The following CSMD3 variants were observed in gnomAD, a reference collection of about 807,000 sequenced individuals.
CSMD3 encodes the protein CUB and sushi domain-containing protein 3.
A neutral mutation model predicts 435.2 loss-of-function variants in CSMD3; 177 were observed. The observed-to-expected ratio is 0.41, with a 90% CI of 0.36 to 0.46. CSMD3 has a LOEUF of 0.46. CSMD3 is among the 20% of genes least tolerant of loss of function. The pLI is 0.34. For synonymous variants in CSMD3, 1,656 were observed against 1,520.5 expected (o/e 1.09, Z -2.07); for missense variants, 4,265 against 4,504.6 (o/e 0.95, Z 1.52).
At chr8:112,805,359 G>T (rs1476485496) in intron 12 of CSMD3, among the ~76,000 whole-genome samples, 1 of 152,074 alleles carries the variant, frequency 6.6e-6, no homozygotes, top group East Asian at 1.9e-4. Flanking sequence ...CTAGCAAGTG[G>T]TTTAGTTTGA....
At chr8:113,039,163 T>C (rs1564241616) in intron 5 of CSMD3, among the ~76,000 whole-genome samples, 1 of 152,152 alleles carries the variant, frequency 6.6e-6, no homozygotes, top group Non-Finnish European at 1.5e-5. Flanking sequence ...ATGAGTAATG[T>C]TCACTGAACA....
intron 1 of CSMD3, among the ~76,000 whole-genome samples, chr8:113,425,249 T>G (rs79675324): frequency 0.018 from 2,746 of 151,482 alleles, 95 homozygotes; most frequent in African/African-American, 0.061. Flanking sequence ...TTCTAATACA[T>G]AAAGCATAAT....
At chr8:112,974,405 T>C (rs1010867438) in intron 7 of CSMD3, among the ~76,000 whole-genome samples, 2 of 152,034 alleles carry the variant, frequency 1.3e-5, no homozygotes, top group South Asian at 4.1e-4. Flanking sequence ...TTCTATATGA[T>C]GGGTAATAAA....
intron 32 of CSMD3, among the ~76,000 whole-genome samples, chr8:112,457,082 T>C (rs1351292732): frequency 6.6e-6 from 1 of 152,128 alleles, no homozygotes; most frequent in Non-Finnish European, 1.5e-5. Flanking sequence ...CCACAGAACC[T>C]TGGACTTTGC....
At chr8:112,398,654 C>T (rs1399771413) in intron 35 of CSMD3, among the ~76,000 whole-genome samples, 1 of 152,196 alleles carries the variant, frequency 6.6e-6, no homozygotes, top group African/African-American at 2.4e-5. Flanking sequence ...GTGTGACAGA[C>T]TGCATGAATC....
intron 31 of CSMD3, among the ~76,000 whole-genome samples, chr8:112,473,300 C>T (rs969085650): frequency 3.3e-5 from 5 of 151,980 alleles, no homozygotes; most frequent in Non-Finnish European, 5.9e-5. Flanking sequence ...AACAATGTTT[C>T]TGATAAACTG....
intron 52 of CSMD3, among the ~76,000 whole-genome samples, chr8:112,303,568 A>G (rs12335058): frequency 0.034 from 5,101 of 152,186 alleles, 105 homozygotes; most frequent in Non-Finnish European, 0.043. Context: ...AAACAAACAA[A>G]CAAACAAACA....
chr8:113,348,776 A>G (rs981551812), intron 1 of CSMD3, among the ~76,000 whole-genome samples: 4 of 152,040 alleles, frequency 2.6e-5, no homozygotes, highest in Admixed American at 2.6e-4. Context: ...GCTTAGATTT[A>G]CTAAAATTTG....
intron 68 of CSMD3, among the ~76,000 whole-genome samples, chr8:112,231,938 A>T (rs1184017711): frequency 6.6e-6 from 1 of 152,244 alleles, no homozygotes; most frequent in Admixed American, 6.5e-5. Context: ...TAAAAATTAA[A>T]ACATAAAAAT....
intron 4 of CSMD3, among the ~76,000 whole-genome samples, chr8:113,123,569 C>T (rs922145592): frequency 6.6e-6 from 1 of 151,964 alleles, no homozygotes; most frequent in Non-Finnish European, 1.5e-5. Context: ...TAATAAATTT[C>T]CTCAGTTTTA....
At position 113,042,436 on chromosome 8, in the gene CSMD3, T is replaced by C. The variant is rs73351657; in HGVS notation, c.918-23257A>G. ...GTTAAATAGTTTTCTTTACAGTACC[T>C]GCACATTTTCTTTTAGGAAAACTCT... On this transcript the variant is annotated intron_variant, in intron 5 of 70. Transcript: ENST00000297405. Among the ~76,000 whole-genome samples the C allele has an allele frequency of 8.2e-3, 1,256 of 152,318 alleles. 28 individuals carry two copies. Among genetic ancestry groups the C allele is most frequent in the African/African-American group, 0.029 (1,189 of 41,578 alleles).
At chr8:113,328,726 CCTT>C (rs1263241880) in intron 1 of CSMD3, among the ~76,000 whole-genome samples, 15 of 105,468 alleles carry the variant, frequency 1.4e-4, no homozygotes, top group African/African-American at 5.6e-4. Flanking sequence ...TTCTTTCCTT[CCTT>C]CTTTTCTTTT....
intron 5 of CSMD3, among the ~76,000 whole-genome samples, chr8:113,062,027 C>T (rs2088636617): frequency 6.7e-6 from 1 of 150,184 alleles, no homozygotes; most frequent in Non-Finnish European, 1.5e-5. Flanking sequence ...AGTTTGAAAA[C>T]TCTTAATTTG....
Position 112,311,049 on chromosome 8 carries a change from T to C in CSMD3, c.7814A>G (p.Lys2605Arg). Residue 2605 changes from lysine to arginine, a missense_variant, in exon 50 of 71, where the codon AAA (lysine) becomes AGA (arginine). By Grantham distance (26) the Lys-to-Arg change is conservative. This residue lies in a region of CSMD3 where 3,255 missense variants were observed against 3,380.2 expected (regional missense o/e 0.96). Coordinates refer to ENST00000297405, the MANE Select transcript of CSMD3 (RefSeq NM_198123.2). Reference protein sequence around the residue: ...ACDRGFRLVGKSSAVCRKSSY... With the variant: ...ACDRGFRLVGRSSAVCRKSSY... ...AGACTTTCTGCACACAGCACTGCTT[T>C]TTCCAACAAGTCGGAATCCTCGATC... 1 of 1,614,122 alleles carries C rather than the reference T, an allele frequency of 6.2e-7. No individual in the cohort carries two copies. The highest frequency in any genetic ancestry group is 8.5e-7 in the Non-Finnish European group (1 of 1,179,996).
intron 1 of CSMD3, among the ~76,000 whole-genome samples, chr8:113,406,371 G>A (rs2094532805): frequency 6.6e-6 from 1 of 151,902 alleles, no homozygotes; most frequent in African/African-American, 2.4e-5. Flanking sequence ...TGATACAGGA[G>A]TAATTTTTAA....
intron 31 of CSMD3, among the ~76,000 whole-genome samples, chr8:112,488,482 A>T (rs1820362425): frequency 6.6e-6 from 1 of 152,166 alleles, no homozygotes. Flanking sequence ...AATAAAGAAT[A>T]AACAAAGAAA....
intron 11 of CSMD3, among the ~76,000 whole-genome samples, chr8:112,847,733 A>G (rs1453122807): frequency 1.3e-5 from 2 of 152,144 alleles, no homozygotes; most frequent in East Asian, 3.9e-4. Flanking sequence ...ACTAGTACCT[A>G]TAAATGGGCT....
intron 1 of CSMD3, among the ~76,000 whole-genome samples, chr8:113,362,158 C>A (rs2094281564): frequency 6.6e-6 from 1 of 151,814 alleles, no homozygotes; most frequent in Admixed American, 6.6e-5. Context: ...TATTTTGATT[C>A]AAAAAAATTA....
chr8:112,720,352 T>A (rs981424491), intron 13 of CSMD3, among the ~76,000 whole-genome samples: 4 of 151,960 alleles, frequency 2.6e-5, no homozygotes, highest in African/African-American at 9.7e-5. Flanking sequence ...TTTCAACTGA[T>A]CCTTGACTGA....
Sources: gnomAD v4.1 joint callset for allele counts (sites outside exome capture counted in the v4.1 genomes callset) on GRCh38, gnomAD v4.1.1 for gene constraint, gnomAD v4.1.1 regional missense constraint, MANE v1.5 for transcripts, NCBI Gene and HGNC (gene_info 2026-07-23, HGNC 2026-07-21) for gene names.